The following MAP3K15 variants were observed in gnomAD, a reference collection of about 807,000 sequenced individuals.
MAP3K15 encodes MAPK/ERK kinase kinase 15.
Under a neutral mutation model 99.5 loss-of-function variants are expected in MAP3K15, and 124 were observed. The observed-to-expected ratio is 1.25, with a 90% confidence interval of 1.08 to 1.45. The LOEUF is 1.45. Among genes scored for constraint, MAP3K15 ranks in the 40% most tolerant of loss-of-function variants. The probability of loss-of-function intolerance (pLI) is 0.00; values close to 1 mark genes in which losing one functional copy is unlikely to be tolerated. For synonymous variants in MAP3K15, 494 were observed against 439.6 expected (o/e 1.12, Z -1.55); for missense variants, 1,242 against 1,079.7 (o/e 1.15, Z -2.11).
intron 1 of MAP3K15, among the ~76,000 whole-genome samples, chrX:19,513,357 T>C (rs967329247): frequency 1.8e-5 from 2 of 112,168 alleles, no homozygotes; most frequent in Non-Finnish European, 3.8e-5. Flanking sequence ...CATTTAACCG[T>C]TCAGAGAAGA....
intron 3 of MAP3K15, among the ~76,000 whole-genome samples, chrX:19,469,878 A>C (rs7391201): frequency 4.0e-5 from 4 of 100,757 alleles, no homozygotes; most frequent in Admixed American, 2.2e-4. Context: ...TTAGAATGGC[A>C]ATCATTAAAA....
Position 19,383,727 on chromosome X carries a change from T to A in MAP3K15, c.2432-3450A>T, listed in dbSNP as rs184014211. On this transcript the variant is annotated intron_variant, in intron 18 of 28. Coordinates refer to ENST00000338883, the MANE Select transcript of MAP3K15 (RefSeq NM_001001671.4). ...CATTTGTAAATGGCCAACAGGCATA[T>A]GAAAGGGTGCTCAACATCCCTAATC... Among the ~76,000 whole-genome samples the A allele has an allele frequency of 6.9e-3, 774 of 112,239 alleles. 4 individuals are homozygous for A. Among genetic ancestry groups the A allele is most frequent in the Middle Eastern group, 0.018 (4 of 218 alleles).
At chrX:19,483,086 T>C (rs1440443514) in intron 3 of MAP3K15, among the ~76,000 whole-genome samples, 1 of 96,477 alleles carries the variant, frequency 1.0e-5, no homozygotes, top group Non-Finnish European at 2.1e-5. Flanking sequence ...CTGTCTCTAC[T>C]AAAAAAAAAA....
chrX:19,371,984 T>G (rs1271619583), intron 22 of MAP3K15, among the ~76,000 whole-genome samples: 1 of 109,331 alleles, frequency 9.1e-6, no homozygotes, highest in African/African-American at 3.3e-5. Context: ...AATACAGAAA[T>G]TAGCTGGGTG....
At chrX:19,507,646 A>G (rs1346143082) in intron 1 of MAP3K15, among the ~76,000 whole-genome samples, 1 of 105,725 alleles carries the variant, frequency 9.5e-6, no homozygotes, top group African/African-American at 3.5e-5. Context: ...AATGTAAACT[A>G]AAGATTTCAA....
intron 4 of MAP3K15, 31 bp downstream of exon 4, chrX:19,464,182 C>A: frequency 2.6e-6 from 3 of 1,149,152 alleles, no homozygotes; most frequent in Non-Finnish European, 3.5e-6. Flanking sequence ...TGGTGAGTCT[C>A]CAGGGGTTAC....
chrX:19,398,402 T>C (rs751558126), intron 14 of MAP3K15, 43 bp from the exon 15 acceptor site: 1 of 1,198,176 alleles, frequency 8.3e-7, no homozygotes, highest in East Asian at 3.0e-5. Flanking sequence ...ATACAACTTG[T>C]AGCGGAGAAG....
At chrX:19,496,097 T>A (rs1458095255) in intron 1 of MAP3K15, among the ~76,000 whole-genome samples, 2 of 105,181 alleles carry the variant, frequency 1.9e-5, no homozygotes, top group Non-Finnish European at 3.9e-5. Flanking sequence ...GATGGAGTCT[T>A]GCTCTGTTGC....
At chrX:19,411,638 G>C (rs762121271) in intron 11 of MAP3K15, among the ~76,000 whole-genome samples, 194 of 110,137 alleles carry the variant, frequency 1.8e-3, no homozygotes, top group African/African-American at 6.2e-3. Context: ...GGATGTTCAG[G>C]GTAGGCGTCG....
At chrX:19,410,355 T>G (rs937711306) in intron 11 of MAP3K15, among the ~76,000 whole-genome samples, 9 of 112,457 alleles carry the variant, frequency 8.0e-5, no homozygotes, top group Non-Finnish European at 1.7e-4. Flanking sequence ...GAGGCAAGAC[T>G]GCGACAGACA....
intron 10 of MAP3K15, among the ~76,000 whole-genome samples, chrX:19,413,991 T>C (rs1338382782): frequency 9.1e-6 from 1 of 109,330 alleles, no homozygotes; most frequent in Non-Finnish European, 1.9e-5. Context: ...TGAAGCCCTG[T>C]CTCTACTAAA....
intron 16 of MAP3K15, among the ~76,000 whole-genome samples, chrX:19,394,822 TTTTTTTTTTTTTTAAA>T: frequency 1.4e-5 from 1 of 71,838 alleles, no homozygotes; most frequent in African/African-American, 7.3e-5. Context: ...TTTTTTTTTT[TTTTTTTTTTTTTTAAA>T]AAGAGTGATG....
chrX:19,503,913 G>A (rs12009395), intron 1 of MAP3K15, among the ~76,000 whole-genome samples: 16,360 of 106,745 alleles, frequency 0.15, 977 homozygotes, highest in African/African-American at 0.17. Context: ...CCAGGAGTTC[G>A]AGACCAGCCT....
chrX:19,443,665 G>C (rs998883566), intron 6 of MAP3K15, among the ~76,000 whole-genome samples: 1 of 111,550 alleles, frequency 9.0e-6, no homozygotes, highest in Non-Finnish European at 1.9e-5. Flanking sequence ...AGTATTCTGG[G>C]CGGGGGCACA....
chrX:19,415,303 G>A, intron 9 of MAP3K15, 46 bp from the exon 10 acceptor site: 1 of 1,071,276 alleles, frequency 9.3e-7, no homozygotes, highest in Non-Finnish European at 1.2e-6. Context: ...TAAAGAAACT[G>A]AATTCAATTC....
chrX:19,445,954 C>CAATAAATAAATAAATA (rs58332212), intron 6 of MAP3K15, among the ~76,000 whole-genome samples: 19 of 103,594 alleles, frequency 1.8e-4, no homozygotes, highest in Admixed American at 5.4e-4. Context: ...TCTCAAAAAT[C>CAATAAATAAATAAATA]AATAAATAAA....
chrX:19,477,510 G>C (rs754857053), intron 3 of MAP3K15, among the ~76,000 whole-genome samples: 63 of 109,020 alleles, frequency 5.8e-4, no homozygotes, highest in Non-Finnish European at 1.1e-3. Context: ...AGGAGTTCAA[G>C]ACCAGCCTGG....
At chrX:19,415,809 T>C (rs751321980) in intron 9 of MAP3K15, among the ~76,000 whole-genome samples, 4 of 111,838 alleles carry the variant, frequency 3.6e-5, no homozygotes, top group Non-Finnish European at 7.5e-5. Context: ...ACCCAACATA[T>C]ATACAAATCT....
chrX:19,494,310 G>T (rs935838670), intron 1 of MAP3K15, among the ~76,000 whole-genome samples: 7 of 111,124 alleles, frequency 6.3e-5, no homozygotes, highest in Non-Finnish European at 1.9e-5. Context: ...GAGAGAGAGA[G>T]AGGAGGAGGG....
Sources: allele counts gnomAD v4.1 joint callset (sites outside exome capture counted in the v4.1 genomes callset), GRCh38; gene constraint gnomAD v4.1.1; transcripts MANE v1.5; gene names NCBI Gene and HGNC (gene_info 2026-07-23, HGNC 2026-07-21).